The following TVP23A variants were observed in gnomAD, a reference collection of about 807,000 sequenced individuals.
TVP23A encodes Golgi apparatus membrane protein TVP23 homolog A.
A neutral mutation model predicts 31.7 loss-of-function variants in TVP23A; 21 were observed. That is an observed-to-expected ratio of 0.66 (90% CI 0.47 to 0.95). TVP23A has a LOEUF of 0.95. Among genes scored for constraint, TVP23A ranks in the 40% least tolerant of loss-of-function variants. TVP23A has a pLI of 0.00. For missense variants in TVP23A, 279 were observed against 255.6 expected, an observed-to-expected ratio of 1.09 and a Z score of -0.62; for synonymous variants, 104 against 96.0, an observed-to-expected ratio of 1.08 and a Z score of -0.49.
downstream of TVP23A, chr16:10,761,784 A>G (rs934627640): frequency 1.2e-6 from 2 of 1,613,764 alleles, no homozygotes; most frequent in African/African-American, 2.7e-5. Context: ...CCCTCCCACA[A>G]CCGGGGGCGC....
chr16:10,788,288 T>C (rs1355664370), intron 2 of TVP23A, among the ~76,000 whole-genome samples: 1 of 151,998 alleles, frequency 6.6e-6, no homozygotes, highest in Non-Finnish European at 1.5e-5. Context: ...TTTTTGTTTT[T>C]TTTTGAGATG....
rs199870353 is a variant in TVP23A at position 10,770,377 on chromosome 16, G to C, written c.583-46C>G. Reference sequence around the variant, plus strand: ...CATGGTTTTCTGTCCTTACACGCGAGTGGGGCGATCCTGCTGATGGAAGGC... The same window carrying C: ...CATGGTTTTCTGTCCTTACACGCGACTGGGGCGATCCTGCTGATGGAAGGC... On this transcript the variant is annotated intron_variant, in intron 6 of 7. Coordinates refer to ENST00000299866, the MANE Select transcript of TVP23A (RefSeq NM_001079512.4). 2.3e-5 allele frequency: 35 copies of C among 1,539,558 alleles called. 1 individual carries two copies. In the East Asian group the frequency reaches 3.0e-4, roughly 13 times the overall value.
At chr16:10,795,404 C>T (rs541234231) in intron 2 of TVP23A, among the ~76,000 whole-genome samples, 3 of 152,144 alleles carry the variant, frequency 2.0e-5, no homozygotes, top group East Asian at 1.9e-4. Flanking sequence ...GCGTGCACTA[C>T]CACGCCTGGC....
At position 10,773,393 on chromosome 16, in the gene TVP23A, A is replaced by G. The variant is rs1199792260; in HGVS notation, c.373T>C (p.Trp125Arg). ...ATGGGGCAGATTATGAGGCCCAGCCAGAAGATTCGTGCTTCAGCTTCTGTG... is the reference window on the plus strand; with the variant it reads ...ATGGGGCAGATTATGAGGCCCAGCCGGAAGATTCGTGCTTCAGCTTCTGTG... Reference protein sequence around the residue: ...AATEAEARIFWLGLIICPMIW... With the variant: ...AATEAEARIFRLGLIICPMIW... Residue 125 changes from tryptophan to arginine, a missense_variant, in exon 5 of 8, where the codon TGG becomes CGG. Trp to Arg is a moderately radical substitution (Grantham distance 101). Coordinates refer to ENST00000299866, the MANE Select transcript of TVP23A (RefSeq NM_001079512.4). 7 of 1,611,448 alleles carry G rather than the reference A, an allele frequency of 4.3e-6. No homozygotes were observed. Among genetic ancestry groups the G allele is most frequent in the Non-Finnish European group, 5.9e-6 (7 of 1,179,370 alleles).
chr16:10,803,245 CTGTGTG>C (rs3040297), intron 2 of TVP23A, among the ~76,000 whole-genome samples: 1,578 of 135,462 alleles, frequency 0.012, 24 homozygotes, highest in African/African-American at 0.041. Context: ...GATCGCGCCA[CTGTGTG>C]TGTGTGTGTG....
intron 6 of TVP23A, among the ~76,000 whole-genome samples, chr16:10,770,961 T>C (rs1199983515): frequency 6.7e-6 from 1 of 149,350 alleles, no homozygotes; most frequent in Non-Finnish European, 1.5e-5. Flanking sequence ...AAACTAACAA[T>C]GGCAGTCACA....
intron 2 of TVP23A, among the ~76,000 whole-genome samples, chr16:10,788,894 A>G (rs921395188): frequency 6.6e-6 from 1 of 152,232 alleles, no homozygotes; most frequent in Non-Finnish European, 1.5e-5. Flanking sequence ...GTGTTTGCAG[A>G]TAAGAGAGCA....
intron 2 of TVP23A, among the ~76,000 whole-genome samples, chr16:10,811,662 T>C (rs978460211): frequency 1.3e-5 from 2 of 151,884 alleles, no homozygotes; most frequent in Admixed American, 6.6e-5. Context: ...TCGGCCACTT[T>C]AGGAGGCCGA....
Position 10,768,674 on chromosome 16 carries a change from G to A in TVP23A, c.*428C>T, listed in dbSNP as rs1596485211. 1 of 207,824 alleles carries A rather than the reference G, an allele frequency of 4.8e-6. No homozygotes were observed. Among genetic ancestry groups the A allele is most frequent in the African/African-American group, 2.3e-5 (1 of 43,338 alleles). 12.9% of individuals were successfully genotyped at this position (207,824 alleles called of 1,614,324 possible). On this transcript the variant is annotated 3_prime_UTR_variant, in exon 8 of 8. Transcript: ENST00000299866. The surrounding 1 kb of genome is among the most constrained non-coding windows in gnomAD (Gnocchi z 4.3). ...CAAACCCACGTGCAGGCCACATTCAGCCAGTGGCAGCCATCAGAGGCCCCA... is the reference window on the plus strand; with the variant it reads ...CAAACCCACGTGCAGGCCACATTCAACCAGTGGCAGCCATCAGAGGCCCCA...
At chr16:10,793,901 CAAAAAAAAAAAAAAAAAAAA>C (rs61392688) in intron 2 of TVP23A, among the ~76,000 whole-genome samples, 6 of 39,180 alleles carry the variant, frequency 1.5e-4, no homozygotes, top group Admixed American at 4.4e-4. Flanking sequence ...CCTGTCTCAC[CAAAAAAAAAAAAAAAAAAAA>C]AAAAAAAAAA....
rs1018157101 is a variant in TVP23A, at chr16:10,777,746, T to C, written c.90-2650A>G. Among the ~76,000 whole-genome samples, 29 of 152,266 alleles carry C rather than the reference T, an allele frequency of 1.9e-4. No individual in the cohort carries two copies. In the South Asian group the frequency reaches 5.8e-3, roughly 31 times the overall value. On this transcript the variant is annotated intron_variant, in intron 2 of 7. Coordinates refer to ENST00000299866, the MANE Select transcript of TVP23A (RefSeq NM_001079512.4). This position sits in a 1 kb window ranked among gnomAD's most constrained non-coding sequence, Gnocchi z 4.5. ...ACAGGATCAAGCCGGGCGTGGTGGC[T>C]CACGCCTGTAATCCCAGCACTTTGG...
chr16:10,797,787 G>A (rs1210187103), intron 2 of TVP23A, among the ~76,000 whole-genome samples: 1 of 151,934 alleles, frequency 6.6e-6, no homozygotes, highest in African/African-American at 2.4e-5. Context: ...TGTGATCTCT[G>A]TGGTTTGCTT....
At chr16:10,772,424 C>T (rs1676077233) in intron 5 of TVP23A, among the ~76,000 whole-genome samples, 1 of 152,196 alleles carries the variant, frequency 6.6e-6, no homozygotes, top group Non-Finnish European at 1.5e-5. Context: ...GGCTGAAGTG[C>T]TGTGGCACGA....
In TVP23A at chr16:10,777,208, C is replaced by A. The variant is rs1220530687; in HGVS notation, c.90-2112G>T. Among the ~76,000 whole-genome samples, 3 of 152,128 alleles carry A rather than the reference C, an allele frequency of 2.0e-5. No individual in the cohort carries two copies. The highest frequency in any genetic ancestry group is 2.1e-4 in the South Asian group (1 of 4,820). ...GAGGGATGAAAGGGACTCTTCCCAG[C>A]ACCAGGCAGCTGTGCAAACCAGACC... is the stretch of plus-strand genomic sequence containing the variant. On this transcript the variant is annotated intron_variant, in intron 2 of 7. Coordinates refer to ENST00000299866, the MANE Select transcript of TVP23A (RefSeq NM_001079512.4). The surrounding 1 kb of genome is among the most constrained non-coding windows in gnomAD (Gnocchi z 4.5).
intron 2 of TVP23A, among the ~76,000 whole-genome samples, chr16:10,805,072 C>T (rs948493638): frequency 1.2e-4 from 19 of 152,148 alleles, no homozygotes; most frequent in Admixed American, 1.1e-3. Flanking sequence ...GAGTCTCGCT[C>T]TGTCGCCCAG....
chr16:10,783,608 G>A (rs533823181), intron 2 of TVP23A, among the ~76,000 whole-genome samples: 1 of 152,128 alleles, frequency 6.6e-6, no homozygotes, highest in Admixed American at 6.6e-5. Context: ...CCCAAGAAGC[G>A]GAGGTTGCAG....
chr16:10,801,649 T>G (rs1053642914), intron 2 of TVP23A, among the ~76,000 whole-genome samples: 2 of 152,042 alleles, frequency 1.3e-5, no homozygotes, highest in Admixed American at 6.6e-5. Flanking sequence ...AGAGATGGGG[T>G]TTCACTATGT....
At position 10,775,012 on chromosome 16, in the gene TVP23A, GCTCTTGCTGAAC is replaced by G; in HGVS notation, c.162_173del (p.Trp54_Ser58delinsCys). 1 of 1,612,838 alleles carries G rather than the reference GCTCTTGCTGAAC, an allele frequency of 6.2e-7. No individual in the cohort carries two copies. Among genetic ancestry groups the G allele is most frequent in the Non-Finnish European group, 8.5e-7 (1 of 1,179,406 alleles). ...GCACCATGACAAAACAGCCCACAAAGCTCTTGCTGAACCAGTCGCAGCTCACGTAGGTGACGA... is the reference window on the plus strand; with the variant it reads ...GCACCATGACAAAACAGCCCACAAAGCAGTCGCAGCTCACGTAGGTGACGA... On this transcript the variant is annotated inframe_deletion, in exon 3 of 8. Transcript: ENST00000299866.
At chr16:10,773,514 T>A (rs1420606941) in intron 4 of TVP23A, 73 bp from the exon 5 acceptor site, 15 of 1,489,086 alleles carry the variant, frequency 1.0e-5, no homozygotes, top group Non-Finnish European at 1.3e-5. Context: ...ACATTTTCAT[T>A]TATTTTATTT....
Sources: allele counts gnomAD v4.1 joint callset (sites outside exome capture counted in the v4.1 genomes callset), GRCh38; gene constraint gnomAD v4.1.1; non-coding constraint Gnocchi (gnomAD v3.1); transcripts MANE v1.5; gene names NCBI Gene and HGNC (gene_info 2026-07-23, HGNC 2026-07-21).